KCNA6: variants seen among roughly 807,000 people sequenced by gnomAD.
KCNA6 encodes potassium voltage-gated channel subfamily A member 6.
KCNA6 carries 17 observed loss-of-function variants against 29.5 expected under a neutral mutation model. That is an observed-to-expected ratio of 0.58 (90% CI 0.39 to 0.86). The LOEUF (loss-of-function observed/expected upper bound fraction) is 0.86. Among genes scored for constraint, KCNA6 ranks in the 40% least tolerant of loss-of-function variants. The pLI, the probability that KCNA6 is intolerant of heterozygous loss-of-function variation, is 0.00. For synonymous variants in KCNA6, 296 were observed against 304.7 expected, an observed-to-expected ratio of 0.97 and a Z score of 0.30; for missense variants, 450 against 703.4, an observed-to-expected ratio of 0.64 and a Z score of 4.07.
In KCNA6 at chr12:4,810,557, G is replaced by T. The variant is rs758711143; in HGVS notation, c.516G>T (p.Pro172=). ...TTGAGTACCCAGAGAGCTCTGGGCCGGCCAGGGGCATCGCCATCGTCTCCG... is the reference window on the plus strand; with the variant it reads ...TTGAGTACCCAGAGAGCTCTGGGCCTGCCAGGGGCATCGCCATCGTCTCCG... Residue 172 remains proline, a synonymous_variant, in exon 1 of 1, where the codon CCG becomes CCT. Coordinates refer to ENST00000280684, the Ensembl canonical transcript of KCNA6. This position sits in a 1 kb window ranked among gnomAD's most constrained non-coding sequence, Gnocchi z 7.5. The T allele has an allele frequency of 1.9e-6, 3 of 1,614,166 alleles. No homozygotes were observed. The highest frequency in any genetic ancestry group is 2.2e-5 in the South Asian group (2 of 91,072).
rs144819037 is a variant in KCNA6, at chr12:4,811,103, G to A, written c.1062G>A (p.Lys354=). ...TGGTCCGGGTGTTCCGCATCTTCAA[G>A]CTCTCCCGCCACTCCAAGGGGCTGC... Residue 354 remains lysine, a synonymous_variant, in exon 1 of 1, where the codon AAG becomes AAA. Transcript: ENST00000280684. This position sits in a 1 kb window ranked among gnomAD's most constrained non-coding sequence, Gnocchi z 7.1. 2.5e-6 allele frequency: 4 copies of A among 1,612,140 alleles called. No homozygotes were observed. The highest frequency in any genetic ancestry group is 1.3e-5 in the African/African-American group (1 of 74,968).
At chr12:4,849,142 A>C in the KCNA6 span, among the ~76,000 whole-genome samples, 155 of 152,154 alleles carry the variant, frequency 1.0e-3, no homozygotes, top group African/African-American at 3.6e-3. Flanking sequence ...AATAAAAATT[A>C]ATAAAATAAA....
At chr12:4,835,931 G>A in the KCNA6 span, among the ~76,000 whole-genome samples, 2 of 129,756 alleles carry the variant, frequency 1.5e-5, no homozygotes, top group Non-Finnish European at 3.2e-5. Context: ...ATAAAAAGTC[G>A]CTGTTTTTTT....
chr12:4,810,057 T>A lies in KCNA6; in HGVS notation c.16T>A (p.Ser6Thr). 6.5e-7 allele frequency: 1 copy of A among 1,536,424 alleles called. No individual in the cohort carries two copies. Among genetic ancestry groups the A allele is most frequent in the Non-Finnish European group, 8.7e-7 (1 of 1,145,224 alleles). The change falls in exon 1 of 1, where the codon TCC becomes ACC. Residue 6 changes from serine (S) to threonine (T), a missense_variant. By Grantham distance (58) the Ser-to-Thr change is moderately conservative (BLOSUM62 1). Transcript: ENST00000280684. This position sits in a 1 kb window ranked among gnomAD's most constrained non-coding sequence, Gnocchi z 7.5. Reference sequence around the variant, plus strand: ...CCGAGGGGGCATGAGATCGGAGAAATCCCTTACGCTGGCGGCGCCGGGGGA... The same window carrying A: ...CCGAGGGGGCATGAGATCGGAGAAAACCCTTACGCTGGCGGCGCCGGGGGA...
At chr12:4,829,058 G>C in the KCNA6 span, among the ~76,000 whole-genome samples, 177 of 152,322 alleles carry the variant, frequency 1.2e-3, no homozygotes, top group African/African-American at 4.1e-3. Flanking sequence ...ATGGAACAGA[G>C]TCCGCAGTGT....
chr12:4,837,855 C>T, the KCNA6 span, among the ~76,000 whole-genome samples: 1 of 151,734 alleles, frequency 6.6e-6, no homozygotes, highest in Non-Finnish European at 1.5e-5. Context: ...GCAGAAGAGG[C>T]TACAGTCACT....
chr12:4,819,439 C>T, the KCNA6 span, among the ~76,000 whole-genome samples: 3 of 152,222 alleles, frequency 2.0e-5, no homozygotes, highest in Admixed American at 2.0e-4. Context: ...TCCCCAGTCA[C>T]CTTCACGGCC....
chr12:4,815,513 T>C (rs779388264), downstream of KCNA6, among the ~76,000 whole-genome samples: 1 of 152,108 alleles, frequency 6.6e-6, no homozygotes, highest in Non-Finnish European at 1.5e-5. Flanking sequence ...CTGGACCACC[T>C]CAGGTTCTCC....
the KCNA6 span, among the ~76,000 whole-genome samples, chr12:4,831,608 G>T: frequency 7.9e-5 from 12 of 152,158 alleles, no homozygotes; most frequent in Non-Finnish European, 1.8e-4. Flanking sequence ...AAAGAATTGG[G>T]GTCCTGAGTG....
chr12:4,845,561 G>A, the KCNA6 span, among the ~76,000 whole-genome samples: 1 of 152,212 alleles, frequency 6.6e-6, no homozygotes, highest in Admixed American at 6.5e-5. Context: ...CCTGTTACAT[G>A]TGAATTTTAG....
chr12:4,849,487 C>CTTT, the KCNA6 span, among the ~76,000 whole-genome samples: 1 of 104,940 alleles, frequency 9.5e-6, no homozygotes, highest in African/African-American at 3.8e-5. Flanking sequence ...GAGATTTTTG[C>CTTT]TCTTTTTTTT....
chr12:4,810,347 T>C lies in KCNA6; in HGVS notation c.306T>C (p.Ser102=), dbSNP rs765023185. 1 of 1,613,974 alleles carries C rather than the reference T, an allele frequency of 6.2e-7. No individual in the cohort carries two copies. Among genetic ancestry groups the C allele is most frequent in the Non-Finnish European group, 8.5e-7 (1 of 1,180,022 alleles). The stretch of plus-strand genomic sequence containing the variant: ...ACGCCATCCTCTACTACTACCAGTC[T>C]GGGGGCCGCCTGCGGAGGCCGGTCA... The change falls in exon 1 of 1, where the codon TCT becomes TCC. Residue 102 remains serine, a synonymous_variant. Transcript: ENST00000280684. The surrounding 1 kb of genome is among the most constrained non-coding windows in gnomAD (Gnocchi z 7.5).
At chr12:4,835,787 C>T in the KCNA6 span, among the ~76,000 whole-genome samples, 1 of 152,168 alleles carries the variant, frequency 6.6e-6, no homozygotes, top group Non-Finnish European at 1.5e-5. Flanking sequence ...ATGTGTACCC[C>T]GACCTGCTGG....
chr12:4,834,986 A>T, the KCNA6 span, among the ~76,000 whole-genome samples: 1 of 152,166 alleles, frequency 6.6e-6, no homozygotes, highest in Non-Finnish European at 1.5e-5. Context: ...CTAAGGCACA[A>T]CAACTCTGTT....
At chr12:4,809,745 T>C in exon 1 of KCNA6, 1 of 330,598 alleles carries the variant, frequency 3.0e-6, no homozygotes, top group Non-Finnish European at 5.5e-6. Flanking sequence ...GGGCAGCCAA[T>C]TTCACACGCG....
chr12:4,819,946 T>G, the KCNA6 span, among the ~76,000 whole-genome samples: 1 of 152,240 alleles, frequency 6.6e-6, no homozygotes, highest in African/African-American at 2.4e-5. Flanking sequence ...AAATAAACTC[T>G]TAGCAAAGCA....
At chr12:4,828,749 G>T in the KCNA6 span, among the ~76,000 whole-genome samples, 1 of 152,224 alleles carries the variant, frequency 6.6e-6, no homozygotes, top group Non-Finnish European at 1.5e-5. Context: ...GGGGTGGTAG[G>T]ATTTCAGCCT....
exon 1 of KCNA6, chr12:4,809,881 T>TA: frequency 1.3e-6 from 1 of 781,630 alleles, no homozygotes; most frequent in Non-Finnish European, 2.0e-6. Flanking sequence ...ACCAGGGCTT[T>TA]AGGGCTCACG....
chr12:4,843,245 A>T, the KCNA6 span, among the ~76,000 whole-genome samples: 1 of 150,754 alleles, frequency 6.6e-6, no homozygotes, highest in Non-Finnish European at 1.5e-5. Flanking sequence ...CAGTGGCGCG[A>T]TCTCGGCTCA....
Sources: allele counts gnomAD v4.1 joint callset (sites outside exome capture counted in the v4.1 genomes callset), GRCh38; gene constraint gnomAD v4.1.1; non-coding constraint Gnocchi (gnomAD v3.1); transcripts MANE v1.5; gene names NCBI Gene and HGNC (gene_info 2026-07-23, HGNC 2026-07-21).